Variants in ZNF687 observed in about 807,000 individuals in gnomAD.
The protein encoded by ZNF687 is zinc finger protein 687.
Under a neutral mutation model 71.8 loss-of-function variants are expected in ZNF687, and 13 were observed. The observed-to-expected ratio is 0.18, with a 90% confidence interval of 0.12 to 0.29. The LOEUF is 0.29. ZNF687 is among the 10% of genes least tolerant of loss of function. The pLI, the probability that ZNF687 is intolerant of heterozygous loss-of-function variation, is 1.00. For missense variants in ZNF687, 1,412 were observed against 1,625.6 expected (o/e 0.87, Z 2.26); for synonymous variants, 673 against 641.6 (o/e 1.05, Z -0.74).
In ZNF687 at chr1:151,289,902, C is replaced by T. The variant is rs1168685876; in HGVS notation, c.2859C>T (p.Leu953=). Reference sequence around the variant, plus strand: ...GGCGGGAACTAGGGAGCAAAGGCCTCAAGGGTGGGGGTGGGGGGCCTGGAG... The same window carrying T: ...GGCGGGAACTAGGGAGCAAAGGCCTTAAGGGTGGGGGTGGGGGGCCTGGAG... ...RPRRELGSKG[L]KGGGGGPGGW... The change falls in exon 6 of 9, where the codon CTC becomes CTT. Residue 953 remains leucine (L), a synonymous_variant. Coordinates refer to ENST00000336715, the MANE Select transcript of ZNF687 (RefSeq NM_020832.3). The T allele has an allele frequency of 5.8e-6, 9 of 1,557,374 alleles. No homozygotes were observed. The highest frequency in any genetic ancestry group is 7.8e-6 in the Non-Finnish European group (9 of 1,148,598).
intron 1 of ZNF687, chr1:151,283,249 C>A (rs1414764136): frequency 1.0e-6 from 1 of 985,324 alleles, no homozygotes; most frequent in Non-Finnish European, 1.2e-6. Flanking sequence ...TGCTACCCAG[C>A]TTGGCCTCAA....
chr1:151,287,488 T>C lies in ZNF687; in HGVS notation c.1197T>C (p.Thr399=), dbSNP rs763241981. The part of the protein sequence containing the change: ...QLGDGTRLKG[T]VLPVATIQNA... ...GTGATGGTACAAGGCTGAAAGGCAC[T>C]GTGCTGCCTGTGGCCACCATCCAGA... The change falls in exon 2 of 9, where the codon ACT becomes ACC. Residue 399 remains threonine (T), a synonymous_variant. Coordinates refer to ENST00000336715, the MANE Select transcript of ZNF687 (RefSeq NM_020832.3). This position sits in a 1 kb window ranked among gnomAD's most constrained non-coding sequence, Gnocchi z 5.0. The C allele has an allele frequency of 1.4e-5, 23 of 1,614,126 alleles. No individual in the cohort carries two copies. The highest frequency in any genetic ancestry group is 1.8e-5 in the Non-Finnish European group (21 of 1,180,024).
Position 151,290,203 on chromosome 1 carries a change from C to A in ZNF687, c.3046C>A (p.His1016Asn). 6.2e-7 allele frequency: 1 copy of A among 1,614,060 alleles called. No individual in the cohort carries two copies. Among genetic ancestry groups the A allele is most frequent in the Non-Finnish European group, 8.5e-7 (1 of 1,180,034 alleles). The change falls in exon 7 of 9, where the codon CAC becomes AAC. Residue 1016 changes from histidine (H) to asparagine (N), a missense_variant. This residue lies in a region of ZNF687 where 284 missense variants were observed against 359.2 expected (regional missense o/e 0.79). Coordinates refer to ENST00000336715, the MANE Select transcript of ZNF687 (RefSeq NM_020832.3). ...PSLRRHVRVN[H>N]EGIKRVYPCR... ...CCTGAGGCGCCATGTCAGAGTTAAT[C>A]ACGAGGGCATCAAGCGAGTTTACCC...
intron 1 of ZNF687, chr1:151,286,058 T>G: frequency 8.0e-6 from 3 of 375,212 alleles, no homozygotes; most frequent in East Asian, 4.0e-5. Context: ...TTTCTCTGGA[T>G]TTTGGAGCCC....
chr1:151,282,095 C>G (rs980662400), upstream of ZNF687: 1 of 1,278,820 alleles, frequency 7.8e-7, no homozygotes, highest in Non-Finnish European at 1.0e-6. Context: ...TTCAGAGGGC[C>G]TCGGCCCCTT....
chr1:151,290,995 C>T lies in ZNF687; in HGVS notation c.3500C>T (p.Ala1167Val), dbSNP rs1694217963. The change falls in exon 9 of 9, where the codon GCC becomes GTC. Residue 1167 changes from alanine to valine, a missense_variant. Physicochemically the swap from Ala to Val is moderately conservative, Grantham distance 64 (BLOSUM62 0). Around this residue, in one of 8 missense-constraint regions of ZNF687, gnomAD observed 284 missense variants for 359.2 expected, o/e 0.79. Coordinates refer to ENST00000336715, the MANE Select transcript of ZNF687 (RefSeq NM_020832.3). The stretch of plus-strand genomic sequence containing the variant: ...AAGAAGAGACGGGGTGTGGGTAAAG[C>T]CAGTGCCCTGGGGCTGGGGGATGGG... ...SHKKRRGVGK[A>V]SALGLGDGEE... The T allele has an allele frequency of 1.2e-6, 2 of 1,613,846 alleles. No homozygotes were observed. Among genetic ancestry groups the T allele is most frequent in the Non-Finnish European group, 1.7e-6 (2 of 1,180,016 alleles).
At position 151,287,608 on chromosome 1, in the gene ZNF687, G is replaced by A. The variant is rs774596117; in HGVS notation, c.1317G>A (p.Lys439=). Residue 439 remains lysine (K), a synonymous_variant, in exon 2 of 9, where the codon AAG becomes AAA. Coordinates refer to ENST00000336715, the MANE Select transcript of ZNF687 (RefSeq NM_020832.3). The surrounding 1 kb of genome is among the most constrained non-coding windows in gnomAD (Gnocchi z 5.0). ...CCACCAGCCCTAAGATGATTGCTAA[G>A]AACGTGCTAGGCCTGGTGCCCCAAG... ...GTATSPKMIA[K]NVLGLVPQAL... 6.2e-7 allele frequency: 1 copy of A among 1,613,680 alleles called. No individual in the cohort carries two copies. The highest frequency in any genetic ancestry group is 8.5e-7 in the Non-Finnish European group (1 of 1,179,834).
intron 3 of ZNF687, 66 bp from the exon 4 acceptor site, chr1:151,289,025 AATGT>A (rs1387798869): frequency 2.0e-6 from 3 of 1,519,042 alleles, no homozygotes; most frequent in East Asian, 2.3e-5. Flanking sequence ...CCAGAGAATA[AATGT>A]ATGGTCCCGG....
At chr1:151,283,542 TG>T (rs1295741668) in intron 1 of ZNF687, among the ~76,000 whole-genome samples, 3 of 144,398 alleles carry the variant, frequency 2.1e-5, no homozygotes, top group African/African-American at 7.8e-5. Context: ...TCTAAGTCAC[TG>T]GGGCACCCAA....
rs1229768410 is a variant in ZNF687 at position 151,290,547 on chromosome 1, G to C, written c.3193G>C (p.Ala1065Pro). The change falls in exon 8 of 9, where the codon GCT (alanine) becomes CCT (proline). Residue 1065 changes from alanine to proline, a missense_variant. Ala to Pro is a conservative substitution (Grantham distance 27, BLOSUM62 -1). This residue lies in a region of ZNF687 where 284 missense variants were observed against 359.2 expected (regional missense o/e 0.79). Transcript: ENST00000336715. ...GTCCCCTGGCCGGGGGACCACCTTG[G>C]CTCGGGGTTCCAGTGCCAGAGCCCA... ...AQSPGRGTTL[A>P]RGSSARAQGP... 1 of 1,613,612 alleles carries C rather than the reference G, an allele frequency of 6.2e-7. No homozygotes were observed. Among genetic ancestry groups the C allele is most frequent in the African/African-American group, 1.3e-5 (1 of 74,936 alleles).
Position 151,290,817 on chromosome 1 carries a change from G to A in ZNF687, c.3322G>A (p.Gly1108Ser). Residue 1108 changes from glycine to serine, a missense_variant, in exon 9 of 9, where the codon GGC becomes AGC. By Grantham distance (56) the Gly-to-Ser change is moderately conservative (BLOSUM62 0). Coordinates refer to ENST00000336715, the MANE Select transcript of ZNF687 (RefSeq NM_020832.3). The stretch of plus-strand genomic sequence containing the variant: ...CCCCAGGGGCGGACCTGGATCTGGA[G>A]GCCATGGCCCTCTGCGCTACCGGAG... ...KSPRGGPGSG[G>S]HGPLRYRSSS... The A allele has an allele frequency of 6.2e-7, 1 of 1,613,942 alleles. No individual in the cohort carries two copies.
chr1:151,290,622 G>C, intron 8 of ZNF687, 49 bp downstream of exon 8: 1 of 1,591,838 alleles, frequency 6.3e-7, no homozygotes, highest in Non-Finnish European at 8.6e-7. Flanking sequence ...TGGGAAACTG[G>C]AAGGCAGAGA....
Position 151,289,746 on chromosome 1 carries a change from C to T in ZNF687, c.2703C>T (p.Pro901=). The change falls in exon 6 of 9, where the codon CCC becomes CCT. Residue 901 remains proline (P), a synonymous_variant. Transcript: ENST00000336715. ...GKGAGGALLT[P]KTEPEELAVS... Reference sequence around the variant, plus strand: ...GGGCCGGGGGTGCCCTGCTGACCCCCAAGACTGAGCCTGAGGAGCTGGCTG... The same window carrying T: ...GGGCCGGGGGTGCCCTGCTGACCCCTAAGACTGAGCCTGAGGAGCTGGCTG... 1 of 1,559,586 alleles carries T rather than the reference C, an allele frequency of 6.4e-7. No individual in the cohort carries two copies. Among genetic ancestry groups the T allele is most frequent in the African/African-American group, 1.4e-5 (1 of 73,540 alleles).
intron 3 of ZNF687, 99 bp from the exon 4 acceptor site, chr1:151,288,993 CCTT>C: frequency 7.6e-7 from 1 of 1,319,334 alleles, no homozygotes; most frequent in South Asian, 1.4e-5. Context: ...CTACTGATTT[CCTT>C]CTTGTAGTCT....
rs1314584113 is a variant in ZNF687, at chr1:151,290,800, G to A, written c.3305G>A (p.Gly1102Asp). 1.2e-6 allele frequency: 2 copies of A among 1,613,760 alleles called. No individual in the cohort carries two copies. Among genetic ancestry groups the A allele is most frequent in the African/African-American group, 2.7e-5 (2 of 74,926 alleles). ...STTPPAKSPR[G>D]GPGSGGHGPL... ...ACACCGCCAGCCAAGTCCCCCAGGG[G>A]CGGACCTGGATCTGGAGGCCATGGC... Residue 1102 changes from glycine to aspartate, a missense_variant, in exon 9 of 9, where the codon GGC (glycine) becomes GAC (aspartate). By Grantham distance (94) the Gly-to-Asp change is moderately conservative. This residue lies in a region of ZNF687 where 284 missense variants were observed against 359.2 expected (regional missense o/e 0.79). Coordinates refer to ENST00000336715, the MANE Select transcript of ZNF687 (RefSeq NM_020832.3).
rs777443857 is a variant in ZNF687 at position 151,288,274 on chromosome 1, G to A, written c.1983G>A (p.Pro661=). The change falls in exon 2 of 9, where the codon CCG becomes CCA. Residue 661 remains proline (P), a synonymous_variant. Transcript: ENST00000336715. ...CTGTCCTGCCGCTCTCCACAGAGCC[G>A]CCTGCTGCCCCGGCCACCTCTGCTT... ...EAPVLPLSTE[P]PAAPATSAYT... is the part of the protein sequence containing the mutation. The A allele has an allele frequency of 1.7e-5, 28 of 1,613,590 alleles. No homozygotes were observed. Among genetic ancestry groups the A allele is most frequent in the Non-Finnish European group, 2.2e-5 (26 of 1,179,996 alleles).
At chr1:151,283,068 C>CT (rs1170550537) in intron 1 of ZNF687, 2 of 982,178 alleles carry the variant, frequency 2.0e-6, no homozygotes, top group Admixed American at 1.2e-4. Flanking sequence ...CCCAAAGGGC[C>CT]TGGCCTGGCT....
intron 3 of ZNF687, 36 bp from the exon 4 acceptor site, chr1:151,289,059 C>T (rs897841370): frequency 2.9e-5 from 46 of 1,605,564 alleles, no homozygotes; most frequent in Middle Eastern, 3.3e-4. Context: ...GGAGATGCCT[C>T]CCACCTCACC....
chr1:151,288,471 G>A, intron 2 of ZNF687, 57 bp from the exon 3 acceptor site: 1 of 1,579,158 alleles, frequency 6.3e-7, no homozygotes, highest in Admixed American at 1.7e-5. Flanking sequence ...GGCTTGGTTA[G>A]AAGTAATGGA....
Sources: allele counts gnomAD v4.1 joint callset (sites outside exome capture counted in the v4.1 genomes callset), GRCh38; gene constraint gnomAD v4.1.1; regional missense constraint gnomAD v4.1.1; non-coding constraint Gnocchi (gnomAD v3.1); transcripts MANE v1.5; gene names NCBI Gene and HGNC (gene_info 2026-07-23, HGNC 2026-07-21).